The following SDK1 variants were observed in gnomAD, a reference collection of about 807,000 sequenced individuals.
SDK1 encodes the protein sidekick cell adhesion molecule 1.
In SDK1, 157 loss-of-function variants were observed where a neutral mutation model predicts 245.5. That is an observed-to-expected ratio of 0.64 (90% CI 0.56 to 0.73). The LOEUF is 0.73. Among genes scored for constraint, SDK1 ranks in the 30% least tolerant of loss-of-function variants. SDK1 has a pLI of 0.00. For synonymous variants in SDK1, 1,647 were observed against 1,278.5 expected, an observed-to-expected ratio of 1.29 and a Z score of -6.15; for missense variants, 3,583 against 3,002.3, an observed-to-expected ratio of 1.19 and a Z score of -4.52.
At chr7:3,656,895 C>T (rs1249216997) in intron 4 of SDK1, among the ~76,000 whole-genome samples, 3 of 152,044 alleles carry the variant, frequency 2.0e-5, no homozygotes, top group Non-Finnish European at 2.9e-5. Flanking sequence ...CTACAGGCGC[C>T]GGCCACCGCG....
intron 31 of SDK1, among the ~76,000 whole-genome samples, chr7:4,158,756 G>C (rs1485086153): frequency 2.6e-5 from 4 of 152,234 alleles, no homozygotes; most frequent in Non-Finnish European, 5.9e-5. Flanking sequence ...AAATGGAATG[G>C]AAGTTTCTTT....
intron 35 of SDK1, among the ~76,000 whole-genome samples, chr7:4,190,229 T>C (rs1385718000): frequency 6.6e-6 from 1 of 152,204 alleles, no homozygotes; most frequent in Admixed American, 6.5e-5. Context: ...TATTAACATA[T>C]CACGCGATAA....
chr7:3,447,919 G>T (rs970253516), intron 1 of SDK1, among the ~76,000 whole-genome samples: 1 of 151,664 alleles, frequency 6.6e-6, no homozygotes, highest in Non-Finnish European at 1.5e-5. Context: ...AGTCAGGCTG[G>T]TCTCGAATTC....
chr7:4,209,880 CT>C (rs1375887008), intron 37 of SDK1, 144 bp from the exon 38 acceptor site: 1 of 767,924 alleles, frequency 1.3e-6, no homozygotes. Flanking sequence ...ATCAATAAAT[CT>C]TTTCATTTTA....
At position 3,992,027 on chromosome 7, in the gene SDK1, C is replaced by T. The variant is rs574221268; in HGVS notation, c.2131+4705C>T. The stretch of plus-strand genomic sequence containing the variant: ...TGTGCAAGTGGTCAGCACTAAATAG[C>T]GCCATCTACTAGGTCTGTCCCTCCG... On this transcript the variant is annotated intron_variant, in intron 14 of 44. Transcript: ENST00000404826. 3.3e-5 allele frequency among the ~76,000 whole-genome samples: 5 copies of T among 152,376 alleles called. No individual in the cohort carries two copies. The South Asian group carries it at 8.3e-4, about 25-fold the overall frequency.
chr7:3,470,509 A>G (rs914058472), intron 1 of SDK1, among the ~76,000 whole-genome samples: 6 of 152,228 alleles, frequency 3.9e-5, no homozygotes, highest in African/African-American at 9.6e-5. Flanking sequence ...GTTAATTTAG[A>G]AAATAAAATA....
intron 1 of SDK1, among the ~76,000 whole-genome samples, chr7:3,552,621 A>G (rs531438661): frequency 5.8e-4 from 88 of 152,298 alleles, no homozygotes; most frequent in African/African-American, 1.9e-3. Context: ...ATTCTGAGCA[A>G]TGTTTCTGAG....
intron 5 of SDK1, among the ~76,000 whole-genome samples, chr7:3,888,102 C>T: frequency 6.6e-6 from 1 of 152,200 alleles, no homozygotes; most frequent in South Asian, 2.1e-4. Context: ...GTCAGCCTTA[C>T]TGAAACAAAT....
chr7:3,910,812 C>T (rs1779136629), intron 5 of SDK1, among the ~76,000 whole-genome samples: 1 of 152,170 alleles, frequency 6.6e-6, no homozygotes, highest in Non-Finnish European at 1.5e-5. Flanking sequence ...ATCAATTATC[C>T]AGAAAAACTG....
chr7:4,220,484 T>C (rs1199154543), intron 39 of SDK1, among the ~76,000 whole-genome samples: 1 of 150,672 alleles, frequency 6.6e-6, no homozygotes, highest in Non-Finnish European at 1.5e-5. Flanking sequence ...ATGGGCACAT[T>C]GTTAAATATT....
chr7:3,664,338 A>G (rs1783459833), intron 4 of SDK1, among the ~76,000 whole-genome samples: 1 of 152,156 alleles, frequency 6.6e-6, no homozygotes, highest in Non-Finnish European at 1.5e-5. Flanking sequence ...CTAAAATGCC[A>G]TTGCTTTGTG....
chr7:4,064,426 A>G (rs576512731), intron 19 of SDK1, among the ~76,000 whole-genome samples: 54 of 152,190 alleles, frequency 3.5e-4, no homozygotes, highest in African/African-American at 1.3e-3. Flanking sequence ...AAAAATGCTG[A>G]CAATCATGTG....
At chr7:3,960,184 T>G (rs906157638) in intron 8 of SDK1, among the ~76,000 whole-genome samples, 14 of 152,182 alleles carry the variant, frequency 9.2e-5, no homozygotes, top group African/African-American at 3.4e-4. Flanking sequence ...CTGGAAAGCA[T>G]GGTTAAGTAC....
At chr7:4,105,833 A>G (rs1357218257) in intron 22 of SDK1, among the ~76,000 whole-genome samples, 2 of 152,046 alleles carry the variant, frequency 1.3e-5, no homozygotes, top group African/African-American at 4.8e-5. Context: ...GAGCAGACAC[A>G]CTCTGAGAGG....
intron 35 of SDK1, among the ~76,000 whole-genome samples, chr7:4,188,283 G>A (rs1247507770): frequency 6.6e-6 from 1 of 152,170 alleles, no homozygotes; most frequent in Non-Finnish European, 1.5e-5. Flanking sequence ...GCTTCTGATT[G>A]GTTGGGCTTA....
chr7:3,499,436 G>A (rs1210909263), intron 1 of SDK1, among the ~76,000 whole-genome samples: 1 of 152,108 alleles, frequency 6.6e-6, no homozygotes, highest in African/African-American at 2.4e-5. Flanking sequence ...GTAAAGAATA[G>A]CAAAGTTGAG....
intron 4 of SDK1, among the ~76,000 whole-genome samples, chr7:3,799,574 G>A (rs908095263): frequency 2.0e-4 from 30 of 151,806 alleles, no homozygotes; most frequent in Admixed American, 7.9e-4. Context: ...GCGTGGTGGC[G>A]GGCACCTGTA....
chr7:3,893,351 T>C (rs1292959492), intron 5 of SDK1, among the ~76,000 whole-genome samples: 1 of 152,052 alleles, frequency 6.6e-6, no homozygotes, highest in Non-Finnish European at 1.5e-5. Flanking sequence ...GGAGGATCCT[T>C]AATGCCCCCG....
intron 1 of SDK1, among the ~76,000 whole-genome samples, chr7:3,391,874 C>T (rs1781765923): frequency 6.6e-6 from 1 of 151,618 alleles, no homozygotes; most frequent in African/African-American, 2.4e-5. Context: ...AGCAATGCAC[C>T]TGCGTTGCCC....
Sources: allele counts gnomAD v4.1 joint callset (sites outside exome capture counted in the v4.1 genomes callset), GRCh38; gene constraint gnomAD v4.1.1; transcripts MANE v1.5; gene names NCBI Gene and HGNC (gene_info 2026-07-23, HGNC 2026-07-21).